Variants in FAT4 observed in about 807,000 individuals in gnomAD.
The protein encoded by FAT4 is protocadherin Fat 4.
A neutral mutation model predicts 303.9 loss-of-function variants in FAT4; 84 were observed. The observed-to-expected ratio is 0.28, with a 90% confidence interval of 0.23 to 0.33. The LOEUF (loss-of-function observed/expected upper bound fraction) is 0.33. FAT4 is among the 10% of genes least tolerant of loss of function. The pLI is 1.00. For missense variants in FAT4, 6,005 were observed against 6,146.8 expected, an observed-to-expected ratio of 0.98 and a Z score of 0.77; for synonymous variants, 2,307 against 2,298.8, an observed-to-expected ratio of 1.00 and a Z score of -0.10.
chr4:125,350,661 C>T (rs1006216791), intron 2 of FAT4, among the ~76,000 whole-genome samples: 3 of 151,694 alleles, frequency 2.0e-5, no homozygotes, highest in Admixed American at 6.6e-5. Context: ...CAGAGCTGGC[C>T]TCCAGGAAGG....
At chr4:125,462,661 C>T (rs1262902845) in intron 10 of FAT4, among the ~76,000 whole-genome samples, 3 of 151,972 alleles carry the variant, frequency 2.0e-5, no homozygotes, top group Non-Finnish European at 4.4e-5. Context: ...TTTTGTGAAA[C>T]CTGGATATGG....
intron 15 of FAT4, 100 bp from the exon 16 acceptor site, chr4:125,481,421 A>C: frequency 3.0e-6 from 3 of 986,548 alleles, no homozygotes; most frequent in Non-Finnish European, 3.0e-6. Flanking sequence ...TCCCAAAACG[A>C]CATTTTCATT....
intron 6 of FAT4, 80 bp from the exon 7 acceptor site, chr4:125,416,365 CTCA>C: frequency 8.1e-7 from 1 of 1,234,028 alleles, no homozygotes; most frequent in South Asian, 1.5e-5. Context: ...ATAGTTTTAC[CTCA>C]TTTTTTTTTA....
At chr4:125,468,846 G>T in intron 12 of FAT4, 27 bp downstream of exon 12, 1 of 1,587,886 alleles carries the variant, frequency 6.3e-7, no homozygotes, top group South Asian at 1.1e-5. Flanking sequence ...TATTGTTGTT[G>T]TATATCCAAC....
intron 8 of FAT4, among the ~76,000 whole-genome samples, chr4:125,441,173 G>A (rs948153603): frequency 3.3e-5 from 5 of 152,056 alleles, no homozygotes; most frequent in African/African-American, 1.2e-4. Context: ...TGGAACTCTA[G>A]GGCCCATAAG....
Position 125,368,524 on chromosome 4 carries a change from A to G in FAT4, c.5176-30260A>G, listed in dbSNP as rs534172051. Among the ~76,000 whole-genome samples the G allele has an allele frequency of 4.0e-3, 590 of 146,164 alleles. 1 individual carries two copies. Among genetic ancestry groups the G allele is most frequent in the Non-Finnish European group, 6.6e-3 (436 of 66,516 alleles). On this transcript the variant is annotated intron_variant, in intron 2 of 17. Transcript: ENST00000394329. The stretch of plus-strand genomic sequence containing the variant: ...ATGTATGTATATATTATATATATGT[A>G]TATATATATATATATAAAAATCATA...
intron 2 of FAT4, among the ~76,000 whole-genome samples, chr4:125,361,014 A>C (rs1195045087): frequency 6.9e-6 from 1 of 144,992 alleles, no homozygotes; most frequent in Non-Finnish European, 1.5e-5. Context: ...TATTTATTAA[A>C]TATTTATTAA....
chr4:125,427,181 T>G (rs918670790), intron 7 of FAT4, among the ~76,000 whole-genome samples: 1 of 151,670 alleles, frequency 6.6e-6, no homozygotes, highest in Non-Finnish European at 1.5e-5. Flanking sequence ...TTATTATTTT[T>G]TATTTTATAA....
intron 9 of FAT4, 150 bp from the exon 10 acceptor site, chr4:125,448,311 A>C: frequency 1.5e-6 from 1 of 688,330 alleles, no homozygotes; most frequent in Non-Finnish European, 2.3e-6. Context: ...TGAACCTCGG[A>C]GAAAATATAG....
intron 10 of FAT4, among the ~76,000 whole-genome samples, chr4:125,462,360 A>G (rs1400656509): frequency 6.6e-6 from 1 of 151,992 alleles, no homozygotes; most frequent in East Asian, 1.9e-4. Flanking sequence ...TAATAAATGC[A>G]TTAGTGAAAT....
intron 8 of FAT4, among the ~76,000 whole-genome samples, chr4:125,444,014 T>A (rs559683858): frequency 9.2e-5 from 14 of 152,238 alleles, no homozygotes; most frequent in Admixed American, 5.9e-4. Flanking sequence ...CTAGAAAAAA[T>A]TAATTAGATA....
intron 16 of FAT4, among the ~76,000 whole-genome samples, chr4:125,484,269 A>G (rs1043805597): frequency 3.3e-5 from 5 of 152,166 alleles, no homozygotes; most frequent in Admixed American, 3.3e-4. Flanking sequence ...AAAAGAAAAA[A>G]TTAAGAAAAG....
Position 125,448,431 on chromosome 4 carries a change from G to A in FAT4, c.7451-30G>A, listed in dbSNP as rs541998576. 3 of 1,557,360 alleles carry A rather than the reference G, an allele frequency of 1.9e-6. No individual in the cohort carries two copies. The East Asian group carries it at 6.8e-5, about 35-fold the overall frequency. ...CAAATATTTTATTTAAATTCCACGT[G>A]AGTATAACTGCACACTTTCTCTTTT... On this transcript the variant is annotated intron_variant, in intron 9 of 17. Transcript: ENST00000394329.
chr4:125,347,481 G>T (rs1448321792), intron 2 of FAT4, among the ~76,000 whole-genome samples: 1 of 151,230 alleles, frequency 6.6e-6, no homozygotes, highest in Non-Finnish European at 1.5e-5. Context: ...GACCTTTGAA[G>T]AGATGGCTGC....
At chr4:125,400,029 A>G (rs1734323425) in intron 3 of FAT4, among the ~76,000 whole-genome samples, 1 of 151,942 alleles carries the variant, frequency 6.6e-6, no homozygotes, top group Non-Finnish European at 1.5e-5. Context: ...ATAAAATTTC[A>G]TTAACTCTTA....
At chr4:125,323,375 T>C (rs1333343078) in intron 2 of FAT4, among the ~76,000 whole-genome samples, 2 of 152,196 alleles carry the variant, frequency 1.3e-5, no homozygotes. Flanking sequence ...TTAAAAATGT[T>C]TATAAGTAAT....
At chr4:125,332,386 G>A (rs558406713) in intron 2 of FAT4, among the ~76,000 whole-genome samples, 1 of 152,090 alleles carries the variant, frequency 6.6e-6, no homozygotes, top group Admixed American at 6.5e-5. Context: ...TTGTATTGTT[G>A]TTGACATAAT....
chr4:125,329,945 T>C (rs1560762527), intron 2 of FAT4, among the ~76,000 whole-genome samples: 1 of 152,214 alleles, frequency 6.6e-6, no homozygotes. Flanking sequence ...AATATGATCA[T>C]TTCATGATAA....
chr4:125,457,286 G>A (rs1486873789), intron 10 of FAT4, among the ~76,000 whole-genome samples: 1 of 152,042 alleles, frequency 6.6e-6, no homozygotes, highest in African/African-American at 2.4e-5. Flanking sequence ...TAGCTGAATG[G>A]AGATTTTATG....
Sources: allele counts gnomAD v4.1 joint callset (sites outside exome capture counted in the v4.1 genomes callset), GRCh38; gene constraint gnomAD v4.1.1; transcripts MANE v1.5; gene names NCBI Gene and HGNC (gene_info 2026-07-23, HGNC 2026-07-21).